Variants in ECT2L observed in about 807,000 individuals in gnomAD.
ECT2L encodes epithelial cell transforming 2 like, also known as epithelial cell-transforming sequence 2 oncogene-like.
A neutral mutation model predicts 122.8 loss-of-function variants in ECT2L; 126 were observed. The observed-to-expected ratio is 1.03, with a 90% CI of 0.89 to 1.19. The LOEUF (loss-of-function observed/expected upper bound fraction) is 1.19, where lower values mean the gene tolerates loss of function less well. Ranked by LOEUF, ECT2L falls within the 50% of genes most tolerant of loss-of-function variation. ECT2L has a pLI of 0.00. For synonymous variants in ECT2L, 385 were observed against 381.8 expected, an observed-to-expected ratio of 1.01 and a Z score of -0.10; for missense variants, 1,012 against 1,064.1, an observed-to-expected ratio of 0.95 and a Z score of 0.68.
intron 20 of ECT2L, among the ~76,000 whole-genome samples, chr6:138,899,453 G>GTT (rs1779324231): frequency 1.3e-5 from 2 of 152,026 alleles, no homozygotes; most frequent in African/African-American, 4.8e-5. Flanking sequence ...GTGTGTGTGT[G>GTT]TGTGTGTACC....
At chr6:138,804,030 A>G (rs11962329) in intron 1 of ECT2L, among the ~76,000 whole-genome samples, 24 of 152,354 alleles carry the variant, frequency 1.6e-4, no homozygotes, top group African/African-American at 5.5e-4. Context: ...TATCCCAGCT[A>G]GAAAATCACT....
At chr6:138,860,961 G>C (rs1049215204) in intron 10 of ECT2L, among the ~76,000 whole-genome samples, 2 of 151,884 alleles carry the variant, frequency 1.3e-5, no homozygotes, top group Admixed American at 1.3e-4. Context: ...TTCCACTTAC[G>C]AGTGAGAACA....
At chr6:138,803,048 A>T (rs1775595666) in intron 1 of ECT2L, among the ~76,000 whole-genome samples, 1 of 150,828 alleles carries the variant, frequency 6.6e-6, no homozygotes. Flanking sequence ...TTGCACTCCA[A>T]CCTGGGCGAC....
intron 20 of ECT2L, among the ~76,000 whole-genome samples, chr6:138,890,067 G>C (rs776504961): frequency 6.6e-5 from 10 of 152,086 alleles, no homozygotes; most frequent in Non-Finnish European, 1.3e-4. Flanking sequence ...ACAAGAACAG[G>C]TGTGGGCCAT....
intron 1 of ECT2L, among the ~76,000 whole-genome samples, chr6:138,808,800 C>T (rs1242946611): frequency 4.0e-5 from 6 of 150,204 alleles, no homozygotes; most frequent in East Asian, 2.0e-4. Flanking sequence ...AATCTCGACT[C>T]GCTGCAACCT....
At chr6:138,897,253 T>C (rs1187056465) in intron 20 of ECT2L, among the ~76,000 whole-genome samples, 1 of 152,072 alleles carries the variant, frequency 6.6e-6, no homozygotes, top group Non-Finnish European at 1.5e-5. Context: ...ATGTCAATAC[T>C]AAAGATGAAA....
Position 138,874,229 on chromosome 6 carries a change from T to G in ECT2L, c.1579-2243T>G, listed in dbSNP as rs188562800. 1.4e-3 allele frequency among the ~76,000 whole-genome samples: 205 copies of G among 150,154 alleles called. 2 individuals carry two copies. In the Middle Eastern group the frequency reaches 0.059, roughly 43 times the overall value. On this transcript the variant is annotated intron_variant, in intron 13 of 21. Coordinates refer to ENST00000541398, the MANE Select transcript of ECT2L (RefSeq NM_001077706.3). ...ATTCCTAACATGTTCTTTGTGAGCT[T>G]TTTTTTAATGGTCTTCCTTATATGT...
intron 10 of ECT2L, among the ~76,000 whole-genome samples, chr6:138,855,679 G>A (rs1057414750): frequency 2.0e-5 from 3 of 152,186 alleles, no homozygotes; most frequent in Non-Finnish European, 2.9e-5. Flanking sequence ...TTTAAAACAT[G>A]CATATGTGTG....
At chr6:138,901,978 T>C (rs961123883) in intron 21 of ECT2L, among the ~76,000 whole-genome samples, 1 of 152,236 alleles carries the variant, frequency 6.6e-6, no homozygotes, top group Non-Finnish European at 1.5e-5. Context: ...AAAGGCTTAA[T>C]TAACTATCAT....
At chr6:138,827,343 G>C (rs1444626822) in intron 4 of ECT2L, among the ~76,000 whole-genome samples, 1 of 151,620 alleles carries the variant, frequency 6.6e-6, no homozygotes, top group Non-Finnish European at 1.5e-5. Flanking sequence ...GTGAGACTCT[G>C]TCTCAAACAA....
At chr6:138,856,730 C>T (rs1777624818) in intron 10 of ECT2L, among the ~76,000 whole-genome samples, 1 of 152,178 alleles carries the variant, frequency 6.6e-6, no homozygotes, top group East Asian at 1.9e-4. Flanking sequence ...CCTGTGGGTA[C>T]TAAAGCAGCT....
chr6:138,843,122 T>C lies in ECT2L; in HGVS notation c.486T>C (p.Ala162=), dbSNP rs370073763. The C allele has an allele frequency of 8.1e-6, 13 of 1,614,056 alleles. No individual in the cohort carries two copies. In the African/African-American group the frequency reaches 1.5e-4, roughly 18 times the overall value. The change falls in exon 6 of 22, where the codon GCT becomes GCC. Residue 162 remains alanine (A), a synonymous_variant. Coordinates refer to ENST00000541398, the MANE Select transcript of ECT2L (RefSeq NM_001077706.3). ...LDWLTPREAA[A]TYGTLNEPKT... is the part of the protein sequence containing the mutation. ...GGCTGACACCTAGGGAGGCTGCTGC[T>C]ACTTATGGGACGCTGAATGAACCCA...
Position 138,847,354 on chromosome 6 carries a change from A to ATTTTTTTTTTTTTTTT in ECT2L, c.903+677_903+678insTTTTTTTTTTTTTTTT, listed in dbSNP as rs1562471985. 8.1e-5 allele frequency among the ~76,000 whole-genome samples: 9 copies of ATTTTTTTTTTTTTTTT among 111,014 alleles called. 1 individual carries two copies. The highest frequency in any genetic ancestry group is 3.6e-4 in the African/African-American group (9 of 24,894). The allele number at this position is 111,014 out of a possible 152,430, so 72.8% of individuals were successfully genotyped here. On this transcript the variant is annotated intron_variant, in intron 8 of 21. Coordinates refer to ENST00000541398, the MANE Select transcript of ECT2L (RefSeq NM_001077706.3). ...TTTTGAAAAAGCATTAAAGGCCCAA[A>ATTTTTTTTTTTTTTTT]CTTTTTTTTTTTTTTTTTTTTTTTT...
At chr6:138,837,343 T>C (rs1776876483) in intron 4 of ECT2L, among the ~76,000 whole-genome samples, 1 of 152,136 alleles carries the variant, frequency 6.6e-6, no homozygotes, top group Non-Finnish European at 1.5e-5. Context: ...AATCGTCTCC[T>C]TCTCCCCTTC....
chr6:138,850,232 C>T (rs1377815878), intron 9 of ECT2L, among the ~76,000 whole-genome samples: 1 of 152,106 alleles, frequency 6.6e-6, no homozygotes, highest in Non-Finnish European at 1.5e-5. Flanking sequence ...CCTCTCTCTG[C>T]CTCCGGGGTT....
Position 138,838,868 on chromosome 6 carries a change from G to A in ECT2L, c.342+354G>A, listed in dbSNP as rs576615422. On this transcript the variant is annotated intron_variant, in intron 5 of 21. Transcript: ENST00000541398. Reference sequence around the variant, plus strand: ...ATCTCAGCTCACTACAACCTCCTCCGCCTCCTGGGTTCAAGTGACTCTCCC... The same window carrying A: ...ATCTCAGCTCACTACAACCTCCTCCACCTCCTGGGTTCAAGTGACTCTCCC... Among the ~76,000 whole-genome samples the A allele has an allele frequency of 6.6e-5, 10 of 152,218 alleles. No homozygotes were observed. In the East Asian group the frequency reaches 1.2e-3, roughly 18 times the overall value.
chr6:138,804,897 T>G (rs1446852750), intron 1 of ECT2L, among the ~76,000 whole-genome samples: 1 of 152,196 alleles, frequency 6.6e-6, no homozygotes, highest in East Asian at 1.9e-4. Flanking sequence ...ATCATGAGTG[T>G]AACGTTCAAT....
chr6:138,811,810 C>T (rs1775909343), intron 1 of ECT2L, among the ~76,000 whole-genome samples: 1 of 152,110 alleles, frequency 6.6e-6, no homozygotes, highest in Non-Finnish European at 1.5e-5. Context: ...TCCGAAGTAG[C>T]TGGGATTAGC....
At chr6:138,866,739 A>G (rs1426591098) in intron 12 of ECT2L, among the ~76,000 whole-genome samples, 2 of 152,216 alleles carry the variant, frequency 1.3e-5, no homozygotes, top group Non-Finnish European at 2.9e-5. Flanking sequence ...ATGTCCGTGT[A>G]TGTATGTTTG....
Sources: gnomAD v4.1 joint callset for allele counts (sites outside exome capture counted in the v4.1 genomes callset) on GRCh38, gnomAD v4.1.1 for gene constraint, MANE v1.5 for transcripts, NCBI Gene and HGNC (gene_info 2026-07-23, HGNC 2026-07-21) for gene names.